ZMYM2: variants seen among roughly 807,000 people sequenced by gnomAD.
The protein encoded by ZMYM2 is zinc finger MYM-type containing 2.
In ZMYM2, 56 loss-of-function variants were observed where a neutral mutation model predicts 162.8. The observed-to-expected ratio is 0.34, with a 90% CI of 0.28 to 0.43. ZMYM2 has a LOEUF of 0.43. Ranked by LOEUF, ZMYM2 falls within the 20% of genes least tolerant of loss-of-function variation. ZMYM2 has a pLI of 1.00. For synonymous variants in ZMYM2, 510 were observed against 541.6 expected (o/e 0.94, Z 0.81); for missense variants, 1,275 against 1,621.8 (o/e 0.79, Z 3.67).
the ZMYM2 span, among the ~76,000 whole-genome samples, chr13:19,873,380 TTTTATTTATTTATTTA>T: frequency 1.2e-4 from 16 of 136,952 alleles, no homozygotes; most frequent in African/African-American, 3.0e-4. Flanking sequence ...ACAGAGTCAA[TTTTATTTATTTATTTA>T]TTTATTTATT....
intron 2 of ZMYM2, among the ~76,000 whole-genome samples, chr13:19,989,614 A>G (rs550417752): frequency 1.4e-4 from 21 of 152,364 alleles, no homozygotes; most frequent in African/African-American, 4.8e-4. Context: ...TGATAATCAC[A>G]TCATGGAGAA....
At chr13:19,874,641 G>A in the ZMYM2 span, among the ~76,000 whole-genome samples, 2 of 152,134 alleles carry the variant, frequency 1.3e-5, no homozygotes, top group Non-Finnish European at 2.9e-5. Context: ...TAGAGCACAT[G>A]CTGATTATTC....
chr13:19,877,865 G>A, the ZMYM2 span, among the ~76,000 whole-genome samples: 128 of 152,216 alleles, frequency 8.4e-4, 1 homozygote, highest in Admixed American at 7.4e-3. Context: ...GGTATACAAA[G>A]ATATCTTGAA....
intron 3 of ZMYM2, among the ~76,000 whole-genome samples, chr13:19,994,156 G>GA (rs1949840626): frequency 6.6e-6 from 1 of 152,084 alleles, no homozygotes; most frequent in Non-Finnish European, 1.5e-5. Flanking sequence ...AAGGATTTAA[G>GA]AAAAAAATAC....
intron 9 of ZMYM2, among the ~76,000 whole-genome samples, chr13:20,030,071 A>G (rs1018020746): frequency 1.3e-5 from 2 of 152,082 alleles, no homozygotes; most frequent in African/African-American, 4.8e-5. Flanking sequence ...CTGGGATTAC[A>G]GGTGTGAGCT....
At chr13:20,083,111 G>A (rs1363385631) in intron 23 of ZMYM2, 79 bp downstream of exon 23, 28 of 1,393,034 alleles carry the variant, frequency 2.0e-5, no homozygotes, top group African/African-American at 7.3e-5. Flanking sequence ...TGCCCAGGCT[G>A]GAGTGCAGTG....
the ZMYM2 span, among the ~76,000 whole-genome samples, chr13:19,898,684 G>A: frequency 1.3e-5 from 2 of 152,116 alleles, no homozygotes; most frequent in Non-Finnish European, 2.9e-5. Context: ...CCAGGACTTT[G>A]GGAGGCCAGC....
chr13:19,911,044 C>CTT, the ZMYM2 span, among the ~76,000 whole-genome samples: 1,119 of 89,298 alleles, frequency 0.013, 22 homozygotes, highest in African/African-American at 0.037. Context: ...AGTTCCCAGT[C>CTT]TTTTTTTTTT....
the ZMYM2 span, among the ~76,000 whole-genome samples, chr13:19,931,605 G>T: frequency 6.6e-6 from 1 of 152,096 alleles, no homozygotes; most frequent in South Asian, 2.1e-4. Flanking sequence ...CTTTCACTTA[G>T]CAATATGCAC....
the ZMYM2 span, among the ~76,000 whole-genome samples, chr13:19,901,574 T>A: frequency 6.6e-6 from 1 of 151,866 alleles, no homozygotes; most frequent in Non-Finnish European, 1.5e-5. Context: ...AACCTCCGCC[T>A]CCCAGGTTCA....
chr13:20,059,643 C>A, intron 16 of ZMYM2, 81 bp downstream of exon 16: 1 of 734,542 alleles, frequency 1.4e-6, no homozygotes. Flanking sequence ...GACCCTTGAA[C>A]AACAAGAGTT....
chr13:19,977,755 GCTGGGATT>G, intron 2 of ZMYM2, among the ~76,000 whole-genome samples: 1 of 150,244 alleles, frequency 6.7e-6, no homozygotes, highest in Middle Eastern at 3.5e-3. Context: ...CTCCCAAAGT[GCTGGGATT>G]ACAGTCATGA....
chr13:20,005,244 G>T lies in ZMYM2; in HGVS notation c.1299+5G>T. ...ATCTGTGGTAAACTAACTGAGGTTT[G>T]TATTTTTTTTCTTTATCATTTAATT... On this transcript the variant is annotated splice_donor_5th_base_variant and intron_variant, in intron 5 of 24. Coordinates refer to ENST00000610343, the MANE Select transcript of ZMYM2 (RefSeq NM_197968.4). 6.6e-7 allele frequency: 1 copy of T among 1,513,756 alleles called. No individual in the cohort carries two copies. The allele number at this position is 1,513,756 out of a possible 1,614,324, so 93.8% of individuals were successfully genotyped here.
rs17075658 is a variant in ZMYM2 at position 20,054,788 on chromosome 13, C to T, written c.2493+2477C>T. Among the ~76,000 whole-genome samples, 1,334 of 152,294 alleles carry T rather than the reference C, an allele frequency of 8.8e-3. 32 individuals are homozygous for T. Among genetic ancestry groups the T allele is most frequent in the African/African-American group, 0.03 (1,257 of 41,562 alleles). On this transcript the variant is annotated intron_variant, in intron 14 of 24. Coordinates refer to ENST00000610343, the MANE Select transcript of ZMYM2 (RefSeq NM_197968.4). The stretch of plus-strand genomic sequence containing the variant: ...CATCTATGACTTTAGATCCTCTCTT[C>T]TGGGATTCCAGTTAAGAGCGAACTT...
In ZMYM2 at chr13:20,019,750, A is replaced by T; in HGVS notation, c.1584+132A>T. 3.9e-6 allele frequency: 3 copies of T among 778,750 alleles called. No individual in the cohort carries two copies. In the South Asian group the frequency reaches 5.3e-5, roughly 14 times the overall value. 48.2% of individuals were successfully genotyped at this position (778,750 alleles called of 1,614,324 possible). ...AATTTCCAAACTTAAATTGTATCAA[A>T]TGATGAATGTTTTATCTCTGAGACA... On this transcript the variant is annotated intron_variant, in intron 7 of 24. Coordinates refer to ENST00000610343, the MANE Select transcript of ZMYM2 (RefSeq NM_197968.4).
the ZMYM2 span, among the ~76,000 whole-genome samples, chr13:19,938,864 C>T: frequency 2.0e-5 from 3 of 151,562 alleles, no homozygotes; most frequent in South Asian, 2.1e-4. Flanking sequence ...TTTTTGTTTC[C>T]TTGTTCCTAC....
the ZMYM2 span, among the ~76,000 whole-genome samples, chr13:19,923,356 CAAAAAAAAAAAAAAAAAA>C: frequency 1.7e-5 from 1 of 57,366 alleles, no homozygotes; most frequent in Non-Finnish European, 2.9e-5. Flanking sequence ...GACTCCGTCG[CAAAAAAAAAAAAAAAAAA>C]AAAAAAAAAG....
At chr13:19,919,454 A>T in the ZMYM2 span, among the ~76,000 whole-genome samples, 1 of 152,144 alleles carries the variant, frequency 6.6e-6, no homozygotes, top group African/African-American at 2.4e-5. Context: ...ACCCTTTTAC[A>T]TTCCCACCAG....
the ZMYM2 span, among the ~76,000 whole-genome samples, chr13:19,903,539 A>G: frequency 1.3e-5 from 2 of 151,642 alleles, no homozygotes; most frequent in African/African-American, 4.8e-5. Flanking sequence ...TTCCAATGGT[A>G]AATTTTATGT....
Sources: allele counts gnomAD v4.1 joint callset (sites outside exome capture counted in the v4.1 genomes callset), GRCh38; gene constraint gnomAD v4.1.1; transcripts MANE v1.5; gene names NCBI Gene and HGNC (gene_info 2026-07-23, HGNC 2026-07-21).